Variants in PAQR5 observed in about 807,000 individuals in gnomAD.
PAQR5 encodes the protein progestin and adipoQ receptor family member 5, also known as membrane progestin receptor gamma.
In PAQR5, 20 loss-of-function variants were observed where a neutral mutation model predicts 34.5. The ratio of observed to expected loss-of-function variants is 0.58; its 90% CI spans 0.41 to 0.84. PAQR5 has a LOEUF of 0.84. Ranked by LOEUF, PAQR5 falls within the 40% of genes least tolerant of loss-of-function variation. The pLI is 0.00. For synonymous variants in PAQR5, 131 were observed against 155.6 expected, an observed-to-expected ratio of 0.84 and a Z score of 1.18; for missense variants, 378 against 412.7, an observed-to-expected ratio of 0.92 and a Z score of 0.73.
At chr15:69,393,651 GGA>G (rs1428779420) in intron 6 of PAQR5, among the ~76,000 whole-genome samples, 11 of 152,106 alleles carry the variant, frequency 7.2e-5, no homozygotes, top group African/African-American at 2.7e-4. Flanking sequence ...GGCAGGAGCG[GGA>G]GAGAACCACC....
chr15:69,308,446 A>G (rs968265042), intron 1 of PAQR5, among the ~76,000 whole-genome samples: 8 of 152,158 alleles, frequency 5.3e-5, no homozygotes, highest in Non-Finnish European at 1.2e-4. Context: ...CCCTGCTGAC[A>G]TATTGGGCCA....
At chr15:69,323,639 C>A (rs1056783511) in intron 1 of PAQR5, among the ~76,000 whole-genome samples, 1 of 152,008 alleles carries the variant, frequency 6.6e-6, no homozygotes, top group African/African-American at 2.4e-5. Context: ...AATAGCGTTG[C>A]GTTAAATGAA....
At chr15:69,382,795 TATGACC>T (rs1431568283) in intron 4 of PAQR5, 15 of 1,902 alleles carry the variant, frequency 7.9e-3, no homozygotes, top group African/African-American at 0.012. Context: ...TATATATATA[TATGACC>T]ATATATATAT....
intron 5 of PAQR5, among the ~76,000 whole-genome samples, chr15:69,387,566 G>A (rs765204257): frequency 2.0e-5 from 3 of 152,202 alleles, no homozygotes; most frequent in Non-Finnish European, 4.4e-5. Flanking sequence ...CTTGTTAACC[G>A]TGGCAGCAGT....
intron 1 of PAQR5, among the ~76,000 whole-genome samples, chr15:69,325,713 T>C (rs1362167136): frequency 6.6e-6 from 1 of 152,170 alleles, no homozygotes; most frequent in African/African-American, 2.4e-5. Flanking sequence ...CCAAGCAGCC[T>C]ACCAAGTTCG....
At chr15:69,341,252 T>C (rs1181792773) in intron 2 of PAQR5, among the ~76,000 whole-genome samples, 1 of 145,798 alleles carries the variant, frequency 6.9e-6, no homozygotes, top group Non-Finnish European at 1.5e-5. Context: ...AGGCATGTCA[T>C]CTCAATGGAA....
intron 2 of PAQR5, among the ~76,000 whole-genome samples, chr15:69,344,882 G>T (rs2054727906): frequency 6.6e-6 from 1 of 152,162 alleles, no homozygotes; most frequent in African/African-American, 2.4e-5. Flanking sequence ...GATCACTTGA[G>T]CTCAGGAGTT....
chr15:69,317,689 G>A (rs12909829), intron 1 of PAQR5, among the ~76,000 whole-genome samples: 80,476 of 151,998 alleles, frequency 0.53, 22,546 homozygotes, highest in Middle Eastern at 0.65. Context: ...ATCTAGGGAG[G>A]TGCAGCAGCT....
chr15:69,380,049 G>A, intron 4 of PAQR5, 39 bp downstream of exon 4: 1 of 1,608,262 alleles, frequency 6.2e-7, no homozygotes, highest in Non-Finnish European at 8.5e-7. Context: ...TCTCCTTCAG[G>A]AGCCCTGGAG....
chr15:69,348,209 GC>G (rs1485055696), intron 2 of PAQR5, among the ~76,000 whole-genome samples: 3 of 152,146 alleles, frequency 2.0e-5, no homozygotes, highest in African/African-American at 7.2e-5. Flanking sequence ...TAATTTTCCT[GC>G]CTGAAAATTA....
intron 2 of PAQR5, among the ~76,000 whole-genome samples, chr15:69,348,763 C>T (rs1474218412): frequency 6.9e-6 from 1 of 144,788 alleles, no homozygotes; most frequent in Non-Finnish European, 1.5e-5. Context: ...CGATCTGATA[C>T]CCAAGATGGC....
chr15:69,331,133 GTGTC>G (rs1185575615), intron 1 of PAQR5, among the ~76,000 whole-genome samples: 1 of 152,194 alleles, frequency 6.6e-6, no homozygotes, highest in Non-Finnish European at 1.5e-5. Context: ...CTATGATGGG[GTGTC>G]TGTCTGTAGC....
At chr15:69,322,016 G>A (rs1410316365) in intron 1 of PAQR5, among the ~76,000 whole-genome samples, 2 of 152,144 alleles carry the variant, frequency 1.3e-5, no homozygotes, top group African/African-American at 4.8e-5. Flanking sequence ...TTATAGAGCA[G>A]GTGACATTTG....
At chr15:69,365,238 C>A (rs781772225) in intron 3 of PAQR5, among the ~76,000 whole-genome samples, 19 of 152,056 alleles carry the variant, frequency 1.2e-4, no homozygotes, top group Admixed American at 1.2e-3. Context: ...TCCCAAGTAG[C>A]TGGGACTACA....
chr15:69,368,292 A>T (rs1291255409), intron 3 of PAQR5, among the ~76,000 whole-genome samples: 2 of 152,220 alleles, frequency 1.3e-5, no homozygotes, highest in African/African-American at 4.8e-5. Flanking sequence ...ACCACAGGTG[A>T]TCTGCCTGCC....
intron 3 of PAQR5, among the ~76,000 whole-genome samples, chr15:69,361,734 G>A (rs983457301): frequency 6.6e-6 from 1 of 152,174 alleles, no homozygotes; most frequent in Non-Finnish European, 1.5e-5. Context: ...CTCCCACCAG[G>A]TTCCTCCCTT....
chr15:69,306,348 TTTTACCATTTAACCTTTAACC>T (rs1200942625), intron 1 of PAQR5, among the ~76,000 whole-genome samples: 3 of 151,912 alleles, frequency 2.0e-5, no homozygotes, highest in Non-Finnish European at 2.9e-5. Context: ...AACCTTTTTT[TTTTACCATTTAACCTTTAACC>T]TTTACCATTT....
At chr15:69,380,124 T>TC (rs2140916572) in intron 4 of PAQR5, 114 bp downstream of exon 4, 1 of 1,212,018 alleles carries the variant, frequency 8.3e-7, no homozygotes, top group East Asian at 2.3e-5. Flanking sequence ...GGTTTGGGGA[T>TC]CCCCCGTGGG....
intron 2 of PAQR5, among the ~76,000 whole-genome samples, chr15:69,339,168 A>ACCCCCCCCCCCCCCCCCCCCCCCCCCCC (rs111647955): frequency 2.2e-5 from 3 of 134,066 alleles, no homozygotes; most frequent in Non-Finnish European, 3.3e-5. Flanking sequence ...CCCACTGGCT[A>ACCCCCCCCCCCCCCCCCCCCCCCCCCCC]CACCCCCCAC....
Sources: gnomAD v4.1 joint callset for allele counts (sites outside exome capture counted in the v4.1 genomes callset) on GRCh38, gnomAD v4.1.1 for gene constraint, MANE v1.5 for transcripts, NCBI Gene and HGNC (gene_info 2026-07-23, HGNC 2026-07-21) for gene names.